The following PPP2R1A variants were observed in gnomAD, a reference collection of about 807,000 sequenced individuals.
The protein encoded by PPP2R1A is serine/threonine-protein phosphatase 2A 65 kDa regulatory subunit A alpha isoform.
Under a neutral mutation model 67.1 loss-of-function variants are expected in PPP2R1A, and 15 were observed. The ratio of observed to expected loss-of-function variants is 0.22; its 90% CI spans 0.15 to 0.34. PPP2R1A has a LOEUF of 0.34. Among genes scored for constraint, PPP2R1A ranks in the 10% least tolerant of loss-of-function variants. PPP2R1A has a pLI of 1.00. For synonymous variants in PPP2R1A, 337 were observed against 325.0 expected (o/e 1.04, Z -0.40); for missense variants, 369 against 775.0 (o/e 0.48, Z 6.22).
intron 1 of PPP2R1A, among the ~76,000 whole-genome samples, chr19:52,192,483 T>C (rs1413785767): frequency 6.6e-6 from 1 of 151,928 alleles, no homozygotes; most frequent in Non-Finnish European, 1.5e-5. Context: ...GATTTTTGTG[T>C]GTGTGTTTTT....
intron 1 of PPP2R1A, among the ~76,000 whole-genome samples, chr19:52,200,665 G>C (rs2162780): frequency 0.14 from 21,011 of 152,194 alleles, 1,554 homozygotes; most frequent in East Asian, 0.22. Context: ...CGGCAGGGTT[G>C]GTTCCTTTTG....
chr19:52,195,577 C>T (rs1374345933), intron 1 of PPP2R1A, among the ~76,000 whole-genome samples: 5 of 152,172 alleles, frequency 3.3e-5, no homozygotes, highest in African/African-American at 7.2e-5. Flanking sequence ...CATTCTGGGT[C>T]GTCAGAACTT....
intron 3 of PPP2R1A, among the ~76,000 whole-genome samples, chr19:52,208,355 G>A (rs2089628105): frequency 6.6e-6 from 1 of 151,758 alleles, no homozygotes; most frequent in Non-Finnish European, 1.5e-5. Context: ...TTTTAGTAGA[G>A]ACGGGGTTTC....
intron 2 of PPP2R1A, among the ~76,000 whole-genome samples, chr19:52,205,474 G>A (rs10416801): frequency 0.014 from 2,127 of 152,240 alleles, 50 homozygotes; most frequent in African/African-American, 0.049. Flanking sequence ...CCCAGAGAAG[G>A]TGTAGCGGAC....
At chr19:52,205,860 G>A (rs2089596454) in intron 2 of PPP2R1A, 103 bp from the exon 3 acceptor site, 5 of 927,444 alleles carry the variant, frequency 5.4e-6, no homozygotes, top group South Asian at 1.5e-5. Context: ...GAAGAACTGA[G>A]TGCTGACAGC....
intron 1 of PPP2R1A, chr19:52,200,995 C>G (rs1487602222): frequency 6.6e-6 from 1 of 151,394 alleles, no homozygotes; most frequent in Admixed American, 6.6e-5. Context: ...ACACACTTAA[C>G]TACGTCTGCA....
chr19:52,219,181 C>T lies in PPP2R1A; in HGVS notation c.1129-510C>T, dbSNP rs1467376405. Among the ~76,000 whole-genome samples the T allele has an allele frequency of 1.3e-5, 2 of 152,204 alleles. No homozygotes were observed. Among genetic ancestry groups the T allele is most frequent in the Non-Finnish European group, 2.9e-5 (2 of 68,032 alleles). On this transcript the variant is annotated intron_variant, in intron 9 of 14. Transcript: ENST00000322088. The surrounding 1 kb of genome is among the most constrained non-coding windows in gnomAD (Gnocchi z 4.0). ...GCTGGGCAAGGGCCAGTCCTATCCT[C>T]GGAATGTGCAGGGTTTCAACAGCCC...
intron 6 of PPP2R1A, 131 bp from the exon 7 acceptor site, chr19:52,215,648 G>A: frequency 2.9e-6 from 2 of 700,136 alleles, no homozygotes; most frequent in Non-Finnish European, 4.9e-6. Context: ...ACTCGAATTA[G>A]ATTTTAGCAC....
chr19:52,217,057 G>A (rs1298327411), intron 9 of PPP2R1A, among the ~76,000 whole-genome samples: 1 of 152,134 alleles, frequency 6.6e-6, no homozygotes, highest in African/African-American at 2.4e-5. Flanking sequence ...AGGCATGGTG[G>A]CGAGTGCCTG....
At chr19:52,218,694 C>A (rs901690276) in intron 9 of PPP2R1A, among the ~76,000 whole-genome samples, 1 of 152,174 alleles carries the variant, frequency 6.6e-6, no homozygotes, top group Non-Finnish European at 1.5e-5. Context: ...TCTGCTATGT[C>A]ATTTCACACC....
At position 52,213,626 on chromosome 19, in the gene PPP2R1A, A is replaced by T. The variant is rs1210938740; in HGVS notation, c.807+516A>T. Among the ~76,000 whole-genome samples the T allele has an allele frequency of 6.6e-6, 1 of 151,502 alleles. No homozygotes were observed. Among genetic ancestry groups the T allele is most frequent in the Non-Finnish European group, 1.5e-5 (1 of 67,888 alleles). ...GCCTCCTGAGGGACTGGGATTACAG[A>T]TGCCCACCACGACACCCGGCTAGTT... On this transcript the variant is annotated intron_variant, in intron 6 of 14. Coordinates refer to ENST00000322088, the MANE Select transcript of PPP2R1A (RefSeq NM_014225.6). This position sits in a 1 kb window ranked among gnomAD's most constrained non-coding sequence, Gnocchi z 4.2.
rs1286274830 is a variant in PPP2R1A, at chr19:52,229,189, T to G, written c.*3208T>G. The G allele has an allele frequency of 6.6e-6, 1 of 152,402 alleles. No homozygotes were observed. Among genetic ancestry groups the G allele is most frequent in the African/African-American group, 2.4e-5 (1 of 41,418 alleles). 9.4% of individuals were successfully genotyped at this position (152,402 alleles called of 1,614,324 possible). A position where few individuals can be genotyped will look rare whatever the true frequency, so the allele number is the denominator to read the frequency against. On this transcript the variant is annotated 3_prime_UTR_variant, in exon 15 of 15. Coordinates refer to ENST00000322088, the MANE Select transcript of PPP2R1A (RefSeq NM_014225.6). ...TGGGCACAGTGGCTCGCACCTGTAATCCCAGCGCTTTGGGAGGCCGAGGTG... is the reference window on the plus strand; with the variant it reads ...TGGGCACAGTGGCTCGCACCTGTAAGCCCAGCGCTTTGGGAGGCCGAGGTG...
In PPP2R1A at chr19:52,216,177, A is replaced by G; in HGVS notation, c.993+103A>G. 1 of 1,320,410 alleles carries G rather than the reference A, an allele frequency of 7.6e-7. No individual in the cohort carries two copies. The highest frequency in any genetic ancestry group is 1.9e-5 in the Admixed American group (1 of 53,290). The allele number at this position is 1,320,410 out of a possible 1,614,324, so 81.8% of individuals were successfully genotyped here. The stretch of plus-strand genomic sequence containing the variant: ...ATAGTCAGCTGCAAACTAGGTTCCC[A>G]GCCCTCTGGGACCAGGCAGCTCTTG... On this transcript the variant is annotated intron_variant, in intron 8 of 14. Coordinates refer to ENST00000322088, the MANE Select transcript of PPP2R1A (RefSeq NM_014225.6). This position sits in a 1 kb window ranked among gnomAD's most constrained non-coding sequence, Gnocchi z 4.3.
chr19:52,201,329 A>C (rs536273340), intron 1 of PPP2R1A: 1 of 152,202 alleles, frequency 6.6e-6, no homozygotes, highest in Non-Finnish European at 1.5e-5. Context: ...TCTTTGAGAC[A>C]AAGAGTCTCA....
At chr19:52,207,897 A>G (rs764200300) in intron 3 of PPP2R1A, among the ~76,000 whole-genome samples, 1 of 152,130 alleles carries the variant, frequency 6.6e-6, no homozygotes, top group Admixed American at 6.5e-5. Context: ...CCTTAAACCC[A>G]GGGAAGGCGC....
At chr19:52,190,349 G>A (rs1401948841) in intron 1 of PPP2R1A, 175 bp downstream of exon 1, 1 of 735,040 alleles carries the variant, frequency 1.4e-6, no homozygotes. Context: ...GCTCCCGATT[G>A]GGTGTCGGCC....
intron 11 of PPP2R1A, 145 bp from the exon 12 acceptor site, chr19:52,220,834 G>C (rs1422875035): frequency 1.1e-6 from 1 of 903,132 alleles, no homozygotes; most frequent in Non-Finnish European, 1.7e-6. Context: ...ATAGCACATA[G>C]TAAGTCCTTT....
rs751586524 is a variant in PPP2R1A at position 52,213,107 on chromosome 19, A to G, written c.804A>G (p.Thr268=). The G allele has an allele frequency of 3.8e-6, 6 of 1,569,372 alleles. No individual in the cohort carries two copies. Among genetic ancestry groups the G allele is most frequent in the Non-Finnish European group, 5.2e-6 (6 of 1,163,204 alleles). The change falls in exon 6 of 15, where the codon ACA becomes ACG. Residue 268 remains threonine (T), a synonymous_variant. Coordinates refer to ENST00000322088, the MANE Select transcript of PPP2R1A (RefSeq NM_014225.6). This position sits in a 1 kb window ranked among gnomAD's most constrained non-coding sequence, Gnocchi z 4.2. ...GCTACATGGTGGCTGACAAGTTCAC[A>G]GAGGTAGATGAGCGACCGTTGACAT... ...RVRYMVADKF[T]ELQKAVGPEI... is the part of the protein sequence containing the mutation.
intron 1 of PPP2R1A, among the ~76,000 whole-genome samples, chr19:52,194,088 C>CAAAAAAAA (rs915576804): frequency 6.9e-4 from 42 of 60,486 alleles, no homozygotes; most frequent in Non-Finnish European, 8.2e-4. Context: ...ACCCTGTCTC[C>CAAAAAAAA]AAAAAAAAAA....
Sources: allele counts gnomAD v4.1 joint callset (sites outside exome capture counted in the v4.1 genomes callset), GRCh38; gene constraint gnomAD v4.1.1; non-coding constraint Gnocchi (gnomAD v3.1); transcripts MANE v1.5; gene names NCBI Gene and HGNC (gene_info 2026-07-23, HGNC 2026-07-21).